Variants in ENPP2 observed in about 807,000 individuals in gnomAD.
ENPP2 encodes the protein ectonucleotide pyrophosphatase/phosphodiesterase 2.
In ENPP2, 51 loss-of-function variants were observed where a neutral mutation model predicts 120.2. That is an observed-to-expected ratio of 0.42 (90% confidence interval 0.34 to 0.54). The LOEUF is 0.54. ENPP2 is among the 20% of genes least tolerant of loss of function. The probability of loss-of-function intolerance (pLI) is 0.04; values close to 1 mark genes in which losing one functional copy is unlikely to be tolerated. For missense variants in ENPP2, 920 were observed against 1,066.5 expected (o/e 0.86, Z 1.91); for synonymous variants, 365 against 366.4 (o/e 1.00, Z 0.04).
Position 119,616,385 on chromosome 8 carries a change from CT to C in ENPP2, c.658-2del. 6.3e-7 allele frequency: 1 copy of C among 1,586,264 alleles called. No homozygotes were observed. The highest frequency in any genetic ancestry group is 1.1e-5 in the South Asian group (1 of 88,302). On this transcript the variant is annotated splice_acceptor_variant, in intron 7 of 24. Transcript: ENST00000075322. LOFTEE classifies it high-confidence loss of function. Reference sequence around the variant, plus strand: ...TTCCATGTGATTCTGGATATAGCCCCTTTTTGTAAAAGCAAATTTATTGTTA... The same window carrying C: ...TTCCATGTGATTCTGGATATAGCCCCTTTTGTAAAAGCAAATTTATTGTTA...
chr8:119,620,257 TA>T (rs957769790), intron 4 of ENPP2, among the ~76,000 whole-genome samples: 1 of 152,090 alleles, frequency 6.6e-6, no homozygotes, highest in East Asian at 1.9e-4. Context: ...CTTCTTTTTT[TA>T]AAAAAAATTT....
chr8:119,647,988 A>G (rs1044061143), intron 1 of ENPP2, among the ~76,000 whole-genome samples: 2 of 152,150 alleles, frequency 1.3e-5, no homozygotes, highest in Non-Finnish European at 2.9e-5. Flanking sequence ...CTGGGCAACA[A>G]GAACAAAATT....
At chr8:119,602,173 A>G (rs1814358532) in intron 9 of ENPP2, among the ~76,000 whole-genome samples, 1 of 152,174 alleles carries the variant, frequency 6.6e-6, no homozygotes, top group Non-Finnish European at 1.5e-5. Flanking sequence ...TCTACCAAGA[A>G]TAGGCCAGGT....
chr8:119,650,946 A>G (rs1285137959), intron 1 of ENPP2, among the ~76,000 whole-genome samples: 4 of 152,036 alleles, frequency 2.6e-5, no homozygotes, highest in African/African-American at 9.7e-5. Flanking sequence ...AAGAACAATA[A>G]TACCTTTCAT....
At position 119,659,320 on chromosome 8, in the gene ENPP2, T is replaced by TAAAA. The variant is rs750701293; in HGVS notation, c.21+13928_21+13931dup. Among the ~76,000 whole-genome samples the TAAAA allele has an allele frequency of 2.2e-3, 140 of 64,902 alleles. 2 individuals carry two copies. The highest frequency in any genetic ancestry group is 6.3e-3 in the African/African-American group (132 of 20,810). The allele number at this position is 64,902 out of a possible 152,430, so 42.6% of individuals were successfully genotyped here. On this transcript the variant is annotated intron_variant, in intron 1 of 25. Coordinates refer to the ENPP2 transcript ENST00000427067. Reference sequence around the variant, plus strand: ...CTACAGGACAAGACTCTGTCTCAATTAAAAAAAAAAAAAAAAACCAGAGTT... The same window carrying TAAAA: ...CTACAGGACAAGACTCTGTCTCAATTAAAAAAAAAAAAAAAAAAAAACCAGAGTT...
At chr8:119,655,532 T>C in intron 1 of ENPP2, among the ~76,000 whole-genome samples, 1 of 152,202 alleles carries the variant, frequency 6.6e-6, no homozygotes, top group East Asian at 1.9e-4. Context: ...GACCTTCATT[T>C]CTTCATATGT....
Position 119,593,784 on chromosome 8 carries a change from C to T in ENPP2, c.1049G>A (p.Arg350Gln), listed in dbSNP as rs766985109. The part of the protein sequence containing the change: ...MDGLKQLKLH[R>Q]CVNVIFVGDH... Reference sequence around the variant, plus strand: ...TCCGACAAAGATGACGTTGACACACCGATGCAGTTTTAGTTGTTTCAGTCC... The same window carrying T: ...TCCGACAAAGATGACGTTGACACACTGATGCAGTTTTAGTTGTTTCAGTCC... Residue 350 changes from arginine to glutamine, a missense_variant, in exon 12 of 25, where the codon CGG becomes CAG. Arg to Gln is a conservative substitution (Grantham distance 43). Transcript: ENST00000075322. 27 of 1,612,438 alleles carry T rather than the reference C, an allele frequency of 1.7e-5. 1 individual carries two copies. The highest frequency in any genetic ancestry group is 8.8e-5 in the South Asian group (8 of 91,042).
At chr8:119,664,885 G>A (rs1271214488) in intron 1 of ENPP2, among the ~76,000 whole-genome samples, 1 of 152,124 alleles carries the variant, frequency 6.6e-6, no homozygotes, top group Admixed American at 6.5e-5. Context: ...AGGTTGCAGT[G>A]AGCCAAAACA....
intron 2 of ENPP2, among the ~76,000 whole-genome samples, chr8:119,629,001 T>A (rs1366723268): frequency 2.0e-5 from 3 of 152,186 alleles, no homozygotes; most frequent in Non-Finnish European, 2.9e-5. Context: ...GTTTGCTTAC[T>A]TACTTTCTCT....
At chr8:119,642,861 G>T (rs1817323376), upstream of ENPP2, among the ~76,000 whole-genome samples, 1 of 152,130 alleles carries the variant, frequency 6.6e-6, no homozygotes, top group Non-Finnish European at 1.5e-5. Context: ...AGATAAGAAG[G>T]CTTGAGGTTA....
intron 1 of ENPP2, among the ~76,000 whole-genome samples, chr8:119,657,356 C>T (rs1311230684): frequency 6.6e-6 from 1 of 152,176 alleles, no homozygotes; most frequent in East Asian, 1.9e-4. Flanking sequence ...ATTTTTACAC[C>T]ATACCATGCC....
chr8:119,650,611 G>A (rs1350571711), intron 1 of ENPP2, among the ~76,000 whole-genome samples: 1 of 152,096 alleles, frequency 6.6e-6, no homozygotes, highest in African/African-American at 2.4e-5. Flanking sequence ...TGCATTCAAC[G>A]TTGTCCCCAG....
intron 4 of ENPP2, among the ~76,000 whole-genome samples, 200 bp from the exon 5 acceptor site, chr8:119,619,504 T>C (rs572534988): frequency 1.1e-4 from 17 of 152,186 alleles, no homozygotes; most frequent in African/African-American, 4.1e-4. Flanking sequence ...AGCTAAGATT[T>C]AATAACCACA....
intron 2 of ENPP2, among the ~76,000 whole-genome samples, chr8:119,637,136 A>G (rs1817048097): frequency 6.6e-6 from 1 of 152,118 alleles, no homozygotes; most frequent in South Asian, 2.1e-4. Flanking sequence ...TGACCATGCT[A>G]AGGATCTGAT....
chr8:119,580,394 C>G, intron 18 of ENPP2: 1 of 562,008 alleles, frequency 1.8e-6, no homozygotes, highest in Non-Finnish European at 3.2e-6. Flanking sequence ...ATCTCTGTTT[C>G]CTTCCTTAAA....
At chr8:119,651,469 G>T (rs924864165) in intron 1 of ENPP2, among the ~76,000 whole-genome samples, 1 of 152,080 alleles carries the variant, frequency 6.6e-6, no homozygotes, top group Non-Finnish European at 1.5e-5. Context: ...CAAACAACTT[G>T]CCCAAGTTCA....
intron 18 of ENPP2, among the ~76,000 whole-genome samples, chr8:119,582,038 T>G (rs1018902509): frequency 1.3e-5 from 2 of 152,102 alleles, no homozygotes; most frequent in African/African-American, 4.8e-5. Context: ...TGGCCTAAAC[T>G]CTCTTTCAAA....
intron 1 of ENPP2, chr8:119,673,126 C>A: frequency 2.5e-6 from 2 of 787,242 alleles, no homozygotes; most frequent in South Asian, 1.6e-5. Context: ...GGGAACACAG[C>A]CCAACAGGGA....
chr8:119,582,616 A>G lies in ENPP2; in HGVS notation c.1544-14T>C, dbSNP rs1430202204. 2 of 1,587,156 alleles carry G rather than the reference A, an allele frequency of 1.3e-6. No homozygotes were observed. Among genetic ancestry groups the G allele is most frequent in the South Asian group, 2.2e-5 (2 of 89,960 alleles). ...ATCCCAGGAGATCTAATGAAAATTA[A>G]GAAAAGGAGGCAGGTGCTTCTTATA... On this transcript the variant is annotated splice_polypyrimidine_tract_variant and intron_variant, in intron 17 of 24. Coordinates refer to ENST00000075322, the MANE Select transcript of ENPP2 (RefSeq NM_001040092.3).
Sources: allele counts gnomAD v4.1 joint callset (sites outside exome capture counted in the v4.1 genomes callset), GRCh38; gene constraint gnomAD v4.1.1; transcripts MANE v1.5; gene names NCBI Gene and HGNC (gene_info 2026-07-23, HGNC 2026-07-21).